CCSER1: variants seen among roughly 807,000 people sequenced by gnomAD.
CCSER1 encodes serine-rich coiled-coil domain-containing protein 1.
A neutral mutation model predicts 82.0 loss-of-function variants in CCSER1; 41 were observed. The observed-to-expected ratio is 0.50, with a 90% CI of 0.39 to 0.65. The LOEUF (loss-of-function observed/expected upper bound fraction) is 0.65, where lower values mean the gene tolerates loss of function less well. CCSER1 is among the 30% of genes least tolerant of loss of function. The pLI is 0.00. For missense variants in CCSER1, 1,119 were observed against 1,064.2 expected (o/e 1.05, Z -0.72); for synonymous variants, 414 against 383.9 (o/e 1.08, Z -0.92).
chr4:91,072,906 T>C lies in CCSER1; in HGVS notation c.2173-13044T>C, dbSNP rs535108332. Reference sequence around the variant, plus strand: ...GTCAGACTCAAAATGTAAATATTTCTGTTACATACATATGTGTATATTTAG... The same window carrying C: ...GTCAGACTCAAAATGTAAATATTTCCGTTACATACATATGTGTATATTTAG... On this transcript the variant is annotated intron_variant, in intron 9 of 10. Coordinates refer to ENST00000509176, the MANE Select transcript of CCSER1 (RefSeq NM_001145065.2). 1.6e-4 allele frequency among the ~76,000 whole-genome samples: 25 copies of C among 152,262 alleles called. 1 individual carries two copies. The Middle Eastern group carries it at 0.014, about 83-fold the overall frequency.
At chr4:91,055,044 A>G (rs1208265091) in intron 9 of CCSER1, among the ~76,000 whole-genome samples, 1 of 152,126 alleles carries the variant, frequency 6.6e-6, no homozygotes, top group Non-Finnish European at 1.5e-5. Flanking sequence ...TATATTTCTT[A>G]TAGCTTTTGT....
rs1167271206 is a variant in CCSER1, at chr4:91,358,204, A to G, written c.2218-240368A>G. Among the ~76,000 whole-genome samples, 12 of 151,642 alleles carry G rather than the reference A, an allele frequency of 7.9e-5. No homozygotes were observed. The East Asian group carries it at 2.1e-3, about 27-fold the overall frequency. ...TGTTCTTTTAACTACTGTGGGGAGG[A>G]AAGGGGGTCTAAAACCAGCTGTTAC... On this transcript the variant is annotated intron_variant, in intron 10 of 10. Transcript: ENST00000509176.
At chr4:90,246,038 A>G (rs1014908293) in intron 1 of CCSER1, among the ~76,000 whole-genome samples, 1 of 152,180 alleles carries the variant, frequency 6.6e-6, no homozygotes, top group Non-Finnish European at 1.5e-5. Flanking sequence ...AGGGAGAATT[A>G]TTATTTACTA....
intron 3 of CCSER1, among the ~76,000 whole-genome samples, chr4:90,355,508 A>T (rs757462007): frequency 6.6e-6 from 1 of 152,016 alleles, no homozygotes; most frequent in Non-Finnish European, 1.5e-5. Flanking sequence ...AAATAAAATG[A>T]GTTACCATAC....
At chr4:90,810,374 AC>A (rs1758095884) in intron 7 of CCSER1, among the ~76,000 whole-genome samples, 1 of 152,164 alleles carries the variant, frequency 6.6e-6, no homozygotes, top group African/African-American at 2.4e-5. Context: ...GAGGCCAGGA[AC>A]AGTGGCTCAT....
At chr4:90,569,276 C>T (rs1779830778) in intron 5 of CCSER1, among the ~76,000 whole-genome samples, 1 of 151,704 alleles carries the variant, frequency 6.6e-6, no homozygotes, top group Non-Finnish European at 1.5e-5. Flanking sequence ...TAAGCAGAAC[C>T]CAGAACAGAC....
chr4:90,616,318 A>G (rs1263848652), intron 5 of CCSER1, among the ~76,000 whole-genome samples: 2 of 152,090 alleles, frequency 1.3e-5, no homozygotes, highest in African/African-American at 4.8e-5. Context: ...CTTTTTTTTA[A>G]TAAAGTAGTT....
At chr4:91,439,070 C>T (rs1754909144) in intron 10 of CCSER1, among the ~76,000 whole-genome samples, 1 of 152,126 alleles carries the variant, frequency 6.6e-6, no homozygotes, top group Non-Finnish European at 1.5e-5. Flanking sequence ...GGATATTATC[C>T]AGGAGAACTT....
intron 10 of CCSER1, among the ~76,000 whole-genome samples, chr4:91,363,667 A>C (rs1749416716): frequency 6.6e-6 from 1 of 151,878 alleles, no homozygotes; most frequent in South Asian, 2.1e-4. Context: ...CTTTTGGTGA[A>C]CAAGTCTTGA....
intron 10 of CCSER1, among the ~76,000 whole-genome samples, chr4:91,483,900 A>T (rs1269646003): frequency 1.3e-5 from 2 of 152,164 alleles, no homozygotes; most frequent in East Asian, 3.9e-4. Context: ...AAATGAATAG[A>T]GTTGCTTTCT....
intron 1 of CCSER1, among the ~76,000 whole-genome samples, chr4:90,226,985 A>T (rs1468206461): frequency 6.6e-6 from 1 of 152,144 alleles, no homozygotes; most frequent in East Asian, 1.9e-4. Context: ...TGGAATTTTT[A>T]TTGCATTCCC....
At chr4:90,228,881 A>T (rs1342306824) in intron 1 of CCSER1, among the ~76,000 whole-genome samples, 1 of 152,212 alleles carries the variant, frequency 6.6e-6, no homozygotes, top group Non-Finnish European at 1.5e-5. Flanking sequence ...GCGATGGAAG[A>T]TGAAGTGAAT....
Position 90,217,457 on chromosome 4 carries a change from C to G in CCSER1, c.-42+89626C>G, listed in dbSNP as rs2153418467. 3.3e-5 allele frequency among the ~76,000 whole-genome samples: 5 copies of G among 152,284 alleles called. No homozygotes were observed. The South Asian group carries it at 1.0e-3, about 32-fold the overall frequency. On this transcript the variant is annotated intron_variant, in intron 1 of 10. Coordinates refer to ENST00000509176, the MANE Select transcript of CCSER1 (RefSeq NM_001145065.2). ...TTGTATTCCGCCCGCCTCGGCCTCC[C>G]AAAGTACTGGGATTATAGGCATGAG...
At chr4:90,989,389 T>A (rs771309749) in intron 9 of CCSER1, among the ~76,000 whole-genome samples, 70 of 151,804 alleles carry the variant, frequency 4.6e-4, no homozygotes, top group Non-Finnish European at 9.4e-4. Flanking sequence ...ATGAAACACA[T>A]CTGGGGTATA....
intron 1 of CCSER1, among the ~76,000 whole-genome samples, chr4:90,128,967 G>T (rs1471210452): frequency 6.6e-6 from 1 of 151,942 alleles, no homozygotes; most frequent in Non-Finnish European, 1.5e-5. Flanking sequence ...CTTCTTAGAA[G>T]TTACAGATTC....
At chr4:90,455,628 C>A (rs1223129032) in intron 4 of CCSER1, among the ~76,000 whole-genome samples, 1 of 152,092 alleles carries the variant, frequency 6.6e-6, no homozygotes, top group East Asian at 1.9e-4. Context: ...ACCTTATATC[C>A]CTAAATCCCC....
In CCSER1 at chr4:90,309,404, G is replaced by T; in HGVS notation, c.1120G>T (p.Glu374Ter). The change falls in exon 2 of 11, where the codon GAA (glutamate) becomes TAA (stop). Residue 374 changes from glutamate (E) to a stop codon, truncating the protein, a stop_gained. Coordinates refer to ENST00000509176, the MANE Select transcript of CCSER1 (RefSeq NM_001145065.2). LOFTEE classifies it high-confidence loss of function. ...TAACCTACCAGCAGATAGTGAAAGA[G>T]AAGAAAATATAGGGTTACAAAATGG... is the stretch of plus-strand genomic sequence containing the variant. ...ESNLPADSER[E>*]ENIGLQNGET... is the part of the protein sequence containing the mutation. 1 of 1,613,818 alleles carries T rather than the reference G, an allele frequency of 6.2e-7. No individual in the cohort carries two copies. The highest frequency in any genetic ancestry group is 8.5e-7 in the Non-Finnish European group (1 of 1,179,792).
chr4:91,307,279 G>A (rs1180637321), intron 10 of CCSER1, among the ~76,000 whole-genome samples: 2 of 151,726 alleles, frequency 1.3e-5, no homozygotes, highest in African/African-American at 4.8e-5. Context: ...AAAGGATTCT[G>A]AACAGATCTA....
chr4:90,868,145 A>G (rs563196510), intron 8 of CCSER1, among the ~76,000 whole-genome samples: 2 of 152,190 alleles, frequency 1.3e-5, no homozygotes, highest in African/African-American at 4.8e-5. Context: ...TAATCACATC[A>G]TGCTAAATAG....
Sources: gnomAD v4.1 joint callset for allele counts (sites outside exome capture counted in the v4.1 genomes callset) on GRCh38, gnomAD v4.1.1 for gene constraint, MANE v1.5 for transcripts, NCBI Gene and HGNC (gene_info 2026-07-23, HGNC 2026-07-21) for gene names.